EMP2: variants seen among roughly 807,000 people sequenced by gnomAD.
EMP2 encodes epithelial membrane protein 2.
A neutral mutation model predicts 13.7 loss-of-function variants in EMP2; 19 were observed. The observed-to-expected ratio is 1.38, with a 90% CI of 0.97 to 2.03. The LOEUF is 2.03. Ranked by LOEUF, EMP2 falls within the 30% of genes most tolerant of loss-of-function variation. The pLI, the probability that EMP2 is intolerant of heterozygous loss-of-function variation, is 0.00. For synonymous variants in EMP2, 97 were observed against 84.7 expected, an observed-to-expected ratio of 1.15 and a Z score of -0.80; for missense variants, 253 against 220.7, an observed-to-expected ratio of 1.15 and a Z score of -0.93.
intron 1 of EMP2, among the ~76,000 whole-genome samples, chr16:10,556,340 G>A (rs1238910598): frequency 6.6e-6 from 1 of 152,128 alleles, no homozygotes; most frequent in Non-Finnish European, 1.5e-5. Context: ...ACAAATGTAT[G>A]GTTTTGGTTA....
chr16:10,569,593 TA>T (rs2050932885), intron 1 of EMP2, among the ~76,000 whole-genome samples: 1 of 152,214 alleles, frequency 6.6e-6, no homozygotes, highest in Non-Finnish European at 1.5e-5. Flanking sequence ...GTGCTGAGTT[TA>T]CAGGCATGAG....
chr16:10,572,030 C>T (rs1219114614), intron 1 of EMP2, among the ~76,000 whole-genome samples: 1 of 152,208 alleles, frequency 6.6e-6, no homozygotes, highest in Non-Finnish European at 1.5e-5. Context: ...TCCCTGGCCA[C>T]ATTTTACTCA....
At chr16:10,565,143 T>G (rs1281376021) in intron 1 of EMP2, among the ~76,000 whole-genome samples, 1 of 152,240 alleles carries the variant, frequency 6.6e-6, no homozygotes, top group African/African-American at 2.4e-5. Flanking sequence ...ATTTCCTCTT[T>G]GAAGAGGTGA....
At position 10,560,078 on chromosome 16, in the gene EMP2, C is replaced by T. The variant is rs118154333; in HGVS notation, c.-60-12401G>A. On this transcript the variant is annotated intron_variant, in intron 1 of 4. Transcript: ENST00000359543. ...GGAGCTGGCATCTGAACCCAAGCAG[C>T]GTGGCACCAGAGAAACCATTATCTA... 8.2e-3 allele frequency among the ~76,000 whole-genome samples: 1,247 copies of T among 152,286 alleles called. 34 individuals are homozygous for T. The highest frequency in any genetic ancestry group is 0.056 in the Admixed American group (850 of 15,292).
rs909459103 is a variant in EMP2 at position 10,552,345 on chromosome 16, A to G, written c.-60-4668T>C. On this transcript the variant is annotated intron_variant, in intron 1 of 4. Coordinates refer to ENST00000359543, the MANE Select transcript of EMP2 (RefSeq NM_001424.6). ...ACTTTCTAGAAAATAATAATTAAAA[A>G]GAAAAAAGGTTTTAACCCATTCTTT... is the stretch of plus-strand genomic sequence containing the variant. 2.6e-5 allele frequency among the ~76,000 whole-genome samples: 4 copies of G among 152,330 alleles called. No homozygotes were observed. In the East Asian group the frequency reaches 7.7e-4, roughly 29 times the overall value.
At chr16:10,579,319 G>C (rs1015121434) in intron 1 of EMP2, among the ~76,000 whole-genome samples, 1 of 152,148 alleles carries the variant, frequency 6.6e-6, no homozygotes, top group African/African-American at 2.4e-5. Flanking sequence ...ATTTCTCTCT[G>C]ATTCAGACTG....
intron 4 of EMP2, 125 bp downstream of exon 4, chr16:10,537,803 G>T: frequency 8.1e-7 from 1 of 1,235,756 alleles, no homozygotes. Context: ...CCGGCACACA[G>T]CACCGCGCGG....
At chr16:10,575,971 T>A (rs2050981753) in intron 1 of EMP2, among the ~76,000 whole-genome samples, 1 of 152,108 alleles carries the variant, frequency 6.6e-6, no homozygotes, top group Non-Finnish European at 1.5e-5. Context: ...GACACGTCCA[T>A]CCCAGGCCCT....
At chr16:10,565,037 A>C (rs1469747615) in intron 1 of EMP2, among the ~76,000 whole-genome samples, 1 of 152,188 alleles carries the variant, frequency 6.6e-6, no homozygotes, top group African/African-American at 2.4e-5. Flanking sequence ...TGCTGCTCAA[A>C]AGCTCCAAGT....
At chr16:10,570,536 T>C (rs1042710253) in intron 1 of EMP2, among the ~76,000 whole-genome samples, 2 of 152,168 alleles carry the variant, frequency 1.3e-5, no homozygotes, top group African/African-American at 4.8e-5. Flanking sequence ...TAGCTGGGAC[T>C]ACAGGCATGT....
chr16:10,533,099 G>C lies in EMP2; in HGVS notation c.317-7C>G. On this transcript the variant is annotated splice_region_variant and splice_polypyrimidine_tract_variant and intron_variant, in intron 4 of 4. Transcript: ENST00000359543. ...GCAATCATGACACACAGACCTGTCA[G>C]GAAGAAAGGTGAATTTTCAATAAAT... 2 of 1,545,056 alleles carry C rather than the reference G, an allele frequency of 1.3e-6. No homozygotes were observed. The highest frequency in any genetic ancestry group is 1.8e-6 in the Non-Finnish European group (2 of 1,139,128).
chr16:10,533,872 G>T (rs777492205), intron 4 of EMP2, among the ~76,000 whole-genome samples: 6 of 152,246 alleles, frequency 3.9e-5, no homozygotes, highest in Non-Finnish European at 8.8e-5. Context: ...CCAGCACTTT[G>T]TGAGGCCAAG....
intron 1 of EMP2, among the ~76,000 whole-genome samples, chr16:10,561,229 A>G (rs922466814): frequency 2.0e-5 from 3 of 152,178 alleles, no homozygotes; most frequent in African/African-American, 7.2e-5. Context: ...AAGCAGAAGT[A>G]GCATGTTTGA....
chr16:10,562,572 C>G (rs532961588), intron 1 of EMP2, among the ~76,000 whole-genome samples: 2 of 152,240 alleles, frequency 1.3e-5, no homozygotes, highest in Admixed American at 6.5e-5. Context: ...CAGCTGAAAT[C>G]AGAAAAACCA....
chr16:10,551,956 G>C (rs1373536396), intron 1 of EMP2, among the ~76,000 whole-genome samples: 2 of 152,158 alleles, frequency 1.3e-5, no homozygotes, highest in East Asian at 3.8e-4. Flanking sequence ...AACTCAGTCT[G>C]AGAGGTCCTG....
intron 1 of EMP2, among the ~76,000 whole-genome samples, chr16:10,559,421 G>A (rs951416451): frequency 6.6e-6 from 1 of 152,240 alleles, no homozygotes; most frequent in Admixed American, 6.5e-5. Flanking sequence ...GTCAGCATTT[G>A]GCTCTCTCCG....
rs183858111 is a variant in EMP2, at chr16:10,550,651, T to C, written c.-60-2974A>G. Among the ~76,000 whole-genome samples, 44 of 152,308 alleles carry C rather than the reference T, an allele frequency of 2.9e-4. 1 individual carries two copies. The highest frequency in any genetic ancestry group is 9.9e-4 in the African/African-American group (41 of 41,572). ...CTGGGTTGTGTTCTGCCAGATTCTT[T>C]CACTGTACATTTCCCCTTTGTCATT... On this transcript the variant is annotated intron_variant, in intron 1 of 4. Transcript: ENST00000359543.
chr16:10,576,634 T>G (rs2142215654), intron 1 of EMP2: 1 of 152,118 alleles, frequency 6.6e-6, no homozygotes, highest in African/African-American at 2.4e-5. Flanking sequence ...ATCTAGCCTG[T>G]CCCTAAAGAG....
chr16:10,540,809 C>T (rs13336897), intron 3 of EMP2, among the ~76,000 whole-genome samples: 10,047 of 152,182 alleles, frequency 0.066, 1,148 homozygotes, highest in African/African-American at 0.23. Flanking sequence ...AGGGATGTGA[C>T]ATTCTCTTTA....
Sources: gnomAD v4.1 joint callset for allele counts (sites outside exome capture counted in the v4.1 genomes callset) on GRCh38, gnomAD v4.1.1 for gene constraint, MANE v1.5 for transcripts, NCBI Gene and HGNC (gene_info 2026-07-23, HGNC 2026-07-21) for gene names.